The following SLC6A11 variants were observed in gnomAD, a reference collection of about 807,000 sequenced individuals.
SLC6A11 encodes sodium- and chloride-dependent GABA transporter 3.
Under a neutral mutation model 74.8 loss-of-function variants are expected in SLC6A11, and 25 were observed. That is an observed-to-expected ratio of 0.33 (90% CI 0.24 to 0.47). SLC6A11 has a LOEUF of 0.47. SLC6A11 is among the 20% of genes least tolerant of loss of function. The probability of loss-of-function intolerance (pLI) is 1.00; values close to 1 mark genes in which losing one functional copy is unlikely to be tolerated. For missense variants in SLC6A11, 574 were observed against 837.0 expected, an observed-to-expected ratio of 0.69 and a Z score of 3.88; for synonymous variants, 330 against 330.2, an observed-to-expected ratio of 1.00 and a Z score of 0.01.
chr3:10,892,172 G>A (rs776678526), intron 6 of SLC6A11, among the ~76,000 whole-genome samples: 3 of 152,242 alleles, frequency 2.0e-5, no homozygotes, highest in Non-Finnish European at 4.4e-5. Context: ...GACACTTGAT[G>A]TCCTTCTCTG....
At chr3:10,881,402 C>T (rs1011499956) in intron 6 of SLC6A11, among the ~76,000 whole-genome samples, 4 of 152,162 alleles carry the variant, frequency 2.6e-5, no homozygotes, top group African/African-American at 7.2e-5. Context: ...AGGGACAAAG[C>T]GAGACTCCGT....
intron 5 of SLC6A11, among the ~76,000 whole-genome samples, chr3:10,874,548 C>T (rs1575684998): frequency 6.6e-6 from 1 of 152,136 alleles, no homozygotes; most frequent in Non-Finnish European, 1.5e-5. Flanking sequence ...GAGATCTGCC[C>T]TCTTAACATA....
intron 8 of SLC6A11, among the ~76,000 whole-genome samples, chr3:10,920,401 A>G (rs1695521115): frequency 6.6e-6 from 1 of 152,164 alleles, no homozygotes; most frequent in East Asian, 1.9e-4. Flanking sequence ...TCAAAACTGG[A>G]TCATATTATC....
chr3:10,918,256 G>T lies in SLC6A11; in HGVS notation c.996-73G>T. 2.1e-6 allele frequency: 3 copies of T among 1,459,040 alleles called. No individual in the cohort carries two copies. The highest frequency in any genetic ancestry group is 3.0e-5 in the South Asian group (2 of 66,700). The allele number at this position is 1,459,040 out of a possible 1,614,324, so 90.4% of individuals were successfully genotyped here. ...GCCTCACAGGACAGCCATGGTGCTC[G>T]GGTGGAGAACGTTTGAGCCGTGCAC... On this transcript the variant is annotated intron_variant, in intron 7 of 13. Coordinates refer to ENST00000254488, the MANE Select transcript of SLC6A11 (RefSeq NM_014229.3). This position sits in a 1 kb window ranked among gnomAD's most constrained non-coding sequence, Gnocchi z 4.5.
At position 10,918,940 on chromosome 3, in the gene SLC6A11, G is replaced by A. The variant is rs923142037; in HGVS notation, c.1120+487G>A. Among the ~76,000 whole-genome samples the A allele has an allele frequency of 5.9e-5, 9 of 151,842 alleles. No individual in the cohort carries two copies. The highest frequency in any genetic ancestry group is 3.9e-4 in the East Asian group (2 of 5,150). ...GTGGCCACAAAGCCCTGTGTTGCCC[G>A]GCTCCTGTGGCCCCACCAGCCTCAC... On this transcript the variant is annotated intron_variant, in intron 8 of 13. Coordinates refer to ENST00000254488, the MANE Select transcript of SLC6A11 (RefSeq NM_014229.3). The surrounding 1 kb of genome is among the most constrained non-coding windows in gnomAD (Gnocchi z 4.5).
intron 4 of SLC6A11, among the ~76,000 whole-genome samples, chr3:10,830,372 T>C (rs1434446155): frequency 6.6e-6 from 1 of 152,204 alleles, no homozygotes; most frequent in Non-Finnish European, 1.5e-5. Context: ...GAGACTTTAC[T>C]GAAGAGCAGG....
chr3:10,865,660 T>G (rs1427116959), intron 5 of SLC6A11, among the ~76,000 whole-genome samples: 1 of 152,146 alleles, frequency 6.6e-6, no homozygotes, highest in Non-Finnish European at 1.5e-5. Context: ...AGATTCTATC[T>G]CAAAAACAAA....
intron 10 of SLC6A11, among the ~76,000 whole-genome samples, chr3:10,931,597 C>A (rs1695688239): frequency 6.6e-6 from 1 of 152,298 alleles, no homozygotes; most frequent in South Asian, 2.1e-4. Context: ...AAGTTGCCAA[C>A]AATTATAACA....
chr3:10,827,307 A>G (rs540826169), intron 4 of SLC6A11, among the ~76,000 whole-genome samples: 1 of 151,906 alleles, frequency 6.6e-6, no homozygotes, highest in Admixed American at 6.6e-5. Flanking sequence ...GCCCCAGTGT[A>G]CTCCACCCCC....
intron 10 of SLC6A11, among the ~76,000 whole-genome samples, chr3:10,931,365 A>G (rs955674313): frequency 1.3e-5 from 2 of 150,592 alleles, no homozygotes; most frequent in Admixed American, 6.6e-5. Flanking sequence ...TTTGTAGAGT[A>G]TGATGTTCAT....
intron 10 of SLC6A11, among the ~76,000 whole-genome samples, chr3:10,929,787 A>C (rs777457129): frequency 5.3e-5 from 8 of 152,166 alleles, no homozygotes; most frequent in African/African-American, 1.9e-4. Context: ...TTTGGGCACC[A>C]TGTGCACCAG....
chr3:10,925,062 C>T (rs764790417), intron 8 of SLC6A11, among the ~76,000 whole-genome samples: 6 of 152,216 alleles, frequency 3.9e-5, no homozygotes, highest in Non-Finnish European at 5.9e-5. Flanking sequence ...GGAACGGAGG[C>T]GAAGAGACAG....
intron 6 of SLC6A11, among the ~76,000 whole-genome samples, chr3:10,883,919 G>T (rs909392769): frequency 6.6e-6 from 1 of 152,172 alleles, no homozygotes; most frequent in African/African-American, 2.4e-5. Flanking sequence ...TTGTTCCTGA[G>T]TTAGTTTCAT....
At chr3:10,860,033 G>T (rs1694684657) in intron 5 of SLC6A11, among the ~76,000 whole-genome samples, 1 of 152,152 alleles carries the variant, frequency 6.6e-6, no homozygotes, top group Non-Finnish European at 1.5e-5. Flanking sequence ...TCATTTACTT[G>T]GGGTTCTTGG....
At chr3:10,897,434 G>A (rs527267038) in intron 6 of SLC6A11, among the ~76,000 whole-genome samples, 14 of 152,326 alleles carry the variant, frequency 9.2e-5, no homozygotes, top group African/African-American at 2.6e-4. Context: ...CACAATGGAG[G>A]TACAGGCATT....
intron 5 of SLC6A11, among the ~76,000 whole-genome samples, chr3:10,868,926 G>A (rs1472343446): frequency 1.3e-5 from 2 of 152,152 alleles, no homozygotes; most frequent in Admixed American, 6.5e-5. Flanking sequence ...TTATAAATAT[G>A]CCTCTGAAAA....
At chr3:10,922,519 G>C (rs940830298) in intron 8 of SLC6A11, among the ~76,000 whole-genome samples, 1 of 152,066 alleles carries the variant, frequency 6.6e-6, no homozygotes, top group African/African-American at 2.4e-5. Flanking sequence ...TTGTGCAAAA[G>C]AAATACAGAA....
At chr3:10,873,807 G>C (rs111210222) in intron 5 of SLC6A11, among the ~76,000 whole-genome samples, 4,616 of 130,760 alleles carry the variant, frequency 0.035, 258 homozygotes, top group African/African-American at 0.12. Context: ...CCTATCCTAT[G>C]CTATCCTATC....
At chr3:10,876,454 C>G (rs1273582040) in intron 6 of SLC6A11, among the ~76,000 whole-genome samples, 1 of 152,158 alleles carries the variant, frequency 6.6e-6, no homozygotes, top group African/African-American at 2.4e-5. Flanking sequence ...CTGCCTTGAT[C>G]CAAGACAGAT....
Sources: gnomAD v4.1 joint callset for allele counts (sites outside exome capture counted in the v4.1 genomes callset) on GRCh38, gnomAD v4.1.1 for gene constraint, Gnocchi (gnomAD v3.1) non-coding constraint, MANE v1.5 for transcripts, NCBI Gene and HGNC (gene_info 2026-07-23, HGNC 2026-07-21) for gene names.